TXNDC11: variants seen among roughly 807,000 people sequenced by gnomAD.
TXNDC11 encodes the protein thioredoxin domain containing 11.
A neutral mutation model predicts 78.0 loss-of-function variants in TXNDC11; 68 were observed. The observed-to-expected ratio is 0.87, with a 90% confidence interval of 0.72 to 1.07. The LOEUF (loss-of-function observed/expected upper bound fraction) is 1.07, where lower values mean the gene tolerates loss of function less well. TXNDC11 is among the 50% of genes least tolerant of loss of function. TXNDC11 has a pLI of 0.00. For missense variants in TXNDC11, 1,389 were observed against 1,221.8 expected (o/e 1.14, Z -2.04); for synonymous variants, 571 against 495.2 (o/e 1.15, Z -2.03).
intron 10 of TXNDC11, among the ~76,000 whole-genome samples, chr16:11,687,101 G>C (rs2050586844): frequency 6.6e-6 from 1 of 151,934 alleles, no homozygotes; most frequent in Admixed American, 6.6e-5. Context: ...CCCCCTTTTT[G>C]TCTGCTTTCC....
chr16:11,692,586 G>A (rs959979446), intron 7 of TXNDC11, among the ~76,000 whole-genome samples: 2 of 152,156 alleles, frequency 1.3e-5, no homozygotes, highest in African/African-American at 4.8e-5. Flanking sequence ...TTCTACCCAT[G>A]AAATTGTGAA....
At chr16:11,713,921 CAAGAGTTAGGTCCA>C (rs1393310560) in intron 5 of TXNDC11, among the ~76,000 whole-genome samples, 1 of 152,042 alleles carries the variant, frequency 6.6e-6, no homozygotes. Context: ...TCCAAAGACC[CAAGAGTTAGGTCCA>C]AAAACCTGAG....
intron 1 of TXNDC11, among the ~76,000 whole-genome samples, chr16:11,737,963 A>G (rs1043007572): frequency 6.6e-6 from 1 of 152,186 alleles, no homozygotes; most frequent in African/African-American, 2.4e-5. Context: ...TATCTTAAAT[A>G]TAAAGACACA....
At chr16:11,714,870 T>C (rs937464718) in intron 5 of TXNDC11, among the ~76,000 whole-genome samples, 1 of 152,208 alleles carries the variant, frequency 6.6e-6, no homozygotes, top group Non-Finnish European at 1.5e-5. Context: ...AGAAAACTAA[T>C]GCTACTAATG....
Position 11,694,097 on chromosome 16 carries a change from CTTTTTTTTTTTTTT to C in TXNDC11, c.1108-2029_1108-2016del, listed in dbSNP as rs535913245. Among the ~76,000 whole-genome samples the C allele has an allele frequency of 0.012, 1,016 of 85,698 alleles. 39 individuals carry two copies. The South Asian group carries it at 0.13, about 11-fold the overall frequency. The allele number at this position is 85,698 out of a possible 152,430, so 56.2% of individuals were successfully genotyped here. A position where few individuals can be genotyped will look rare whatever the true frequency, so the allele number is the denominator to read the frequency against. ...AGAAAGTATTCTGTCTACAGCAATG[CTTTTTTTTTTTTTT>C]TTTTTTTTTTTTTTTGAGACAGAGT... is the stretch of plus-strand genomic sequence containing the variant. On this transcript the variant is annotated intron_variant, in intron 7 of 11. Transcript: ENST00000283033.
At chr16:11,733,886 T>C in intron 3 of TXNDC11, 96 bp downstream of exon 3, 2 of 813,970 alleles carry the variant, frequency 2.5e-6, no homozygotes, top group South Asian at 3.1e-5. Context: ...TTTTCTATAG[T>C]GAATATCTAA....
In TXNDC11 at chr16:11,698,321, A is replaced by G. The variant is rs768114685; in HGVS notation, c.911T>C (p.Phe304Ser). 1 of 1,613,064 alleles carries G rather than the reference A, an allele frequency of 6.2e-7. No homozygotes were observed. The highest frequency in any genetic ancestry group is 2.2e-5 in the East Asian group (1 of 44,870). ...TGTGTAGTTCAGGACCTCCCTGGGG[A>G]AGACCTGTGAAGGACAAAGGCACAG... is the stretch of plus-strand genomic sequence containing the variant. Reference protein sequence around the residue: ...LHRHFNTSLVFPREVLNYTAE... With the variant: ...LHRHFNTSLVSPREVLNYTAE... Residue 304 changes from phenylalanine (F) to serine (S), a missense_variant, in exon 7 of 12, where the codon TTC (phenylalanine) becomes TCC (serine). Coordinates refer to ENST00000283033, the MANE Select transcript of TXNDC11 (RefSeq NM_015914.7).
intron 7 of TXNDC11, among the ~76,000 whole-genome samples, chr16:11,696,762 G>T (rs2050870344): frequency 6.6e-6 from 1 of 152,158 alleles, no homozygotes; most frequent in African/African-American, 2.4e-5. Context: ...CAGACTGCTG[G>T]AGGGGACACT....
intron 6 of TXNDC11, among the ~76,000 whole-genome samples, chr16:11,698,736 G>A (rs147595269): frequency 1.3e-5 from 2 of 152,326 alleles, no homozygotes; most frequent in African/African-American, 4.8e-5. Flanking sequence ...TTTAGATTTT[G>A]ACCTTGGTCC....
chr16:11,716,526 T>C (rs1592572), intron 5 of TXNDC11, among the ~76,000 whole-genome samples: 92,952 of 152,026 alleles, frequency 0.61, 29,307 homozygotes, highest in African/African-American at 0.75. Flanking sequence ...TTGAAACATA[T>C]ACAAAGATTG....
At chr16:11,683,047 A>G (rs963102766) in intron 11 of TXNDC11, among the ~76,000 whole-genome samples, 1 of 152,224 alleles carries the variant, frequency 6.6e-6, no homozygotes, top group African/African-American at 2.4e-5. Context: ...TGGAGAGAAG[A>G]TACTGTCAAA....
At chr16:11,681,335 G>T (rs2050420148) in intron 11 of TXNDC11, among the ~76,000 whole-genome samples, 1 of 152,188 alleles carries the variant, frequency 6.6e-6, no homozygotes, top group South Asian at 2.1e-4. Context: ...AGAAAAAGCT[G>T]CCAAGATCCC....
chr16:11,725,256 A>C (rs1291559993), intron 4 of TXNDC11, among the ~76,000 whole-genome samples: 2 of 152,158 alleles, frequency 1.3e-5, no homozygotes, highest in African/African-American at 2.4e-5. Context: ...CTGCAGAATA[A>C]ATGTGAATGA....
intron 1 of TXNDC11, 34 bp downstream of exon 1, chr16:11,742,443 C>A: frequency 7.3e-7 from 1 of 1,377,268 alleles, no homozygotes. Flanking sequence ...AAGGGGAGCG[C>A]CCTAGCGGGG....
At chr16:11,699,933 T>C (rs1382650539) in intron 6 of TXNDC11, among the ~76,000 whole-genome samples, 1 of 152,094 alleles carries the variant, frequency 6.6e-6, no homozygotes, top group Non-Finnish European at 1.5e-5. Context: ...AGAAAGCAAA[T>C]GAAATCGGGG....
chr16:11,683,460 A>G (rs1261945267), intron 11 of TXNDC11, among the ~76,000 whole-genome samples: 2 of 152,196 alleles, frequency 1.3e-5, no homozygotes, highest in African/African-American at 2.4e-5. Context: ...AGCTGCTGGG[A>G]GGCCAACTGA....
intron 7 of TXNDC11, among the ~76,000 whole-genome samples, chr16:11,696,334 C>T (rs1160766963): frequency 6.6e-6 from 1 of 152,210 alleles, no homozygotes; most frequent in African/African-American, 2.4e-5. Flanking sequence ...CTCCCCTGCC[C>T]GGAACCCCGC....
chr16:11,701,146 T>G (rs1364381995), intron 5 of TXNDC11, among the ~76,000 whole-genome samples: 1 of 138,728 alleles, frequency 7.2e-6, no homozygotes, highest in African/African-American at 2.8e-5. Flanking sequence ...TTTTTTTTTT[T>G]TTTTTTTTGA....
chr16:11,742,593 G>C lies in TXNDC11; in HGVS notation c.138C>G (p.Gly46=). ...SPTLATASSA[G]RLRRGLRGAF... is the part of the protein sequence containing the mutation. The stretch of plus-strand genomic sequence containing the variant: ...CGCCACGCAGCCCGCGACGGAGCCG[G>C]CCCGCCGAGGACGCTGTGGCCAGGG... The change falls in exon 1 of 12, where the codon GGC becomes GGG. Residue 46 remains glycine, a synonymous_variant. Coordinates refer to ENST00000283033, the MANE Select transcript of TXNDC11 (RefSeq NM_015914.7). 1 of 1,457,310 alleles carries C rather than the reference G, an allele frequency of 6.9e-7. No homozygotes were observed. The highest frequency in any genetic ancestry group is 9.0e-7 in the Non-Finnish European group (1 of 1,110,802). The allele number at this position is 1,457,310 out of a possible 1,614,324, so 90.3% of individuals were successfully genotyped here. A position where few individuals can be genotyped will look rare whatever the true frequency, so the allele number is the denominator to read the frequency against.
Sources: allele counts gnomAD v4.1 joint callset (sites outside exome capture counted in the v4.1 genomes callset), GRCh38; gene constraint gnomAD v4.1.1; transcripts MANE v1.5; gene names NCBI Gene and HGNC (gene_info 2026-07-23, HGNC 2026-07-21).